The following CYTH1 variants were observed in gnomAD, a reference collection of about 807,000 sequenced individuals.
The protein encoded by CYTH1 is cytohesin-1.
Under a neutral mutation model 61.8 loss-of-function variants are expected in CYTH1, and 18 were observed. The observed-to-expected ratio is 0.29, with a 90% CI of 0.20 to 0.43. The LOEUF (loss-of-function observed/expected upper bound fraction) is 0.43, where lower values mean the gene tolerates loss of function less well. Among genes scored for constraint, CYTH1 ranks in the 20% least tolerant of loss-of-function variants. CYTH1 has a pLI of 1.00. For missense variants in CYTH1, 336 were observed against 510.5 expected, an observed-to-expected ratio of 0.66 and a Z score of 3.29; for synonymous variants, 174 against 184.3, an observed-to-expected ratio of 0.94 and a Z score of 0.45.
chr17:78,764,341 C>T (rs919190682), intron 1 of CYTH1, among the ~76,000 whole-genome samples: 41 of 151,282 alleles, frequency 2.7e-4, no homozygotes, highest in Admixed American at 2.5e-3. Context: ...GGACTACGGG[C>T]GCACCCCACC....
chr17:78,723,337 A>G (rs561003034), intron 1 of CYTH1: 16 of 152,622 alleles, frequency 1.0e-4, no homozygotes, highest in African/African-American at 3.8e-4. Flanking sequence ...GCGACCCCAC[A>G]GTACCAGGCT....
At chr17:78,730,910 T>C (rs113518775) in intron 1 of CYTH1, among the ~76,000 whole-genome samples, 15,843 of 151,930 alleles carry the variant, frequency 0.1, 1,040 homozygotes, top group Middle Eastern at 0.18. Flanking sequence ...GTGATCTGCC[T>C]GCCTCGGCCT....
At chr17:78,763,001 T>A (rs1248114057) in intron 1 of CYTH1, among the ~76,000 whole-genome samples, 1 of 152,170 alleles carries the variant, frequency 6.6e-6, no homozygotes, top group Non-Finnish European at 1.5e-5. Flanking sequence ...AGGAAACTAA[T>A]ACAATGGAAA....
rs2092679308 is a variant in CYTH1, at chr17:78,674,728, G to C, written c.*1363C>G. On this transcript the variant is annotated 3_prime_UTR_variant, in exon 14 of 14. Transcript: ENST00000446868. ...GTGGAGGGGCGGGGCGAGACGGCCAGACAGCCAGCCACCTGCTCTGCCTGG... is the reference window on the plus strand; with the variant it reads ...GTGGAGGGGCGGGGCGAGACGGCCACACAGCCAGCCACCTGCTCTGCCTGG... 6.6e-6 allele frequency: 1 copy of C among 152,434 alleles called. No individual in the cohort carries two copies. The highest frequency in any genetic ancestry group is 1.5e-5 in the Non-Finnish European group (1 of 68,200). 9.4% of individuals were successfully genotyped at this position (152,434 alleles called of 1,614,324 possible).
chr17:78,680,606 G>A (rs1430735453), intron 12 of CYTH1, among the ~76,000 whole-genome samples: 4 of 152,172 alleles, frequency 2.6e-5, no homozygotes, highest in Non-Finnish European at 5.9e-5. Context: ...AGAACTGCAG[G>A]TGACTCACGA....
At chr17:78,689,775 T>C (rs1567830564) in intron 11 of CYTH1, among the ~76,000 whole-genome samples, 1 of 152,118 alleles carries the variant, frequency 6.6e-6, no homozygotes, top group South Asian at 2.1e-4. Flanking sequence ...ACTTTTCCCA[T>C]TTCACCAATG....
chr17:78,765,532 A>C (rs1225993357), intron 1 of CYTH1, among the ~76,000 whole-genome samples: 1 of 152,156 alleles, frequency 6.6e-6, no homozygotes, highest in East Asian at 1.9e-4. Flanking sequence ...AGTAGAGGAG[A>C]CAAGCCTGAA....
At chr17:78,727,987 T>TC in intron 1 of CYTH1, 1 of 248,608 alleles carries the variant, frequency 4.0e-6, no homozygotes, top group South Asian at 3.6e-5. Context: ...GGGCAGTGAG[T>TC]CCCTGATATC....
At chr17:78,750,878 C>T (rs1213886293) in intron 1 of CYTH1, among the ~76,000 whole-genome samples, 2 of 151,984 alleles carry the variant, frequency 1.3e-5, no homozygotes, top group African/African-American at 4.8e-5. Flanking sequence ...AGGGGAAATA[C>T]AGGTTAGGTT....
intron 7 of CYTH1, among the ~76,000 whole-genome samples, chr17:78,699,378 A>C (rs2092983786): frequency 6.6e-6 from 1 of 152,118 alleles, no homozygotes; most frequent in Admixed American, 6.6e-5. Flanking sequence ...AAAAAAAAAA[A>C]AACATGTTCT....
intron 6 of CYTH1, 109 bp downstream of exon 6, chr17:78,701,562 C>A: frequency 1.9e-6 from 2 of 1,039,764 alleles, no homozygotes; most frequent in Non-Finnish European, 2.9e-6. Context: ...TCAAAATATT[C>A]AAATCATACC....
At position 78,676,574 on chromosome 17, in the gene CYTH1, T is replaced by C. The variant is rs1399369725; in HGVS notation, c.1119-405A>G. 5 of 280,334 alleles carry C rather than the reference T, an allele frequency of 1.8e-5. No homozygotes were observed. The East Asian group carries it at 5.3e-4, about 30-fold the overall frequency. 17.4% of individuals were successfully genotyped at this position (280,334 alleles called of 1,614,324 possible). A position where few individuals can be genotyped will look rare whatever the true frequency, so the allele number is the denominator to read the frequency against. ...TCAAGCCGTGTCACATGCAGTCCTC[T>C]GGCACGGGGTGTGTGATAGCTGGCA... On this transcript the variant is annotated intron_variant, in intron 13 of 13. Coordinates refer to ENST00000446868, the MANE Select transcript of CYTH1 (RefSeq NM_004762.6).
chr17:78,739,781 C>T (rs536668195), intron 1 of CYTH1, among the ~76,000 whole-genome samples: 19 of 152,040 alleles, frequency 1.2e-4, no homozygotes, highest in African/African-American at 2.2e-4. Flanking sequence ...GACGGGTTGG[C>T]GGCTTACTTG....
Position 78,674,715 on chromosome 17 carries a change from G to A in CYTH1, c.*1376C>T, listed in dbSNP as rs1465016903. On this transcript the variant is annotated 3_prime_UTR_variant, in exon 14 of 14. Coordinates refer to ENST00000446868, the MANE Select transcript of CYTH1 (RefSeq NM_004762.6). ...GGTCCAGGGTCCTGTGGAGGGGCGG[G>A]GCGAGACGGCCAGACAGCCAGCCAC... 6.6e-6 allele frequency: 1 copy of A among 152,468 alleles called. No homozygotes were observed. Among genetic ancestry groups the A allele is most frequent in the African/African-American group, 2.4e-5 (1 of 41,476 alleles). 9.4% of individuals were successfully genotyped at this position (152,468 alleles called of 1,614,324 possible). A position where few individuals can be genotyped will look rare whatever the true frequency, so the allele number is the denominator to read the frequency against.
chr17:78,690,873 G>A (rs943654771), intron 11 of CYTH1, among the ~76,000 whole-genome samples: 15 of 152,086 alleles, frequency 9.9e-5, no homozygotes, highest in Non-Finnish European at 2.2e-4. Flanking sequence ...GGACTTAGAA[G>A]TACACCACTT....
chr17:78,736,468 C>A lies in CYTH1; in HGVS notation c.23-26736G>T, dbSNP rs529800568. 4.0e-4 allele frequency among the ~76,000 whole-genome samples: 61 copies of A among 151,944 alleles called. 1 individual carries two copies. The highest frequency in any genetic ancestry group is 1.3e-3 in the African/African-American group (53 of 41,400). On this transcript the variant is annotated intron_variant, in intron 1 of 13. Transcript: ENST00000446868. ...CACACACACATACACACACACACAC[C>A]CGAGAGAGCCTCAGCTTCCTAACCA...
In CYTH1 at chr17:78,770,523, A is replaced by C. The variant is rs560708334; in HGVS notation, c.22+11679T>G. On this transcript the variant is annotated intron_variant, in intron 1 of 13. Transcript: ENST00000446868. ...AATCTCCACTTCCCGGGTTCAAGCG[A>C]TTCTCCTTGTTCAGCCTCCCAAGTA... 7.2e-5 allele frequency among the ~76,000 whole-genome samples: 11 copies of C among 151,898 alleles called. No individual in the cohort carries two copies. The South Asian group carries it at 2.3e-3, about 32-fold the overall frequency.
intron 1 of CYTH1, among the ~76,000 whole-genome samples, chr17:78,781,538 G>A (rs2093517770): frequency 6.6e-6 from 1 of 151,960 alleles, no homozygotes; most frequent in African/African-American, 2.4e-5. Context: ...CCGCGTCTCG[G>A]CAGGCGGCGA....
At chr17:78,676,350 C>T in intron 13 of CYTH1, 181 bp from the exon 14 acceptor site, 2 of 607,142 alleles carry the variant, frequency 3.3e-6, no homozygotes, top group Non-Finnish European at 5.7e-6. Flanking sequence ...CCTAAGGTGA[C>T]ACACTTCGAA....
Sources: allele counts gnomAD v4.1 joint callset (sites outside exome capture counted in the v4.1 genomes callset), GRCh38; gene constraint gnomAD v4.1.1; transcripts MANE v1.5; gene names NCBI Gene and HGNC (gene_info 2026-07-23, HGNC 2026-07-21).